The following ABHD2 variants were observed in gnomAD, a reference collection of about 807,000 sequenced individuals.
The protein encoded by ABHD2 is monoacylglycerol lipase ABHD2.
ABHD2 carries 20 observed loss-of-function variants against 48.1 expected under a neutral mutation model. That is an observed-to-expected ratio of 0.42 (90% CI 0.29 to 0.60). The LOEUF (loss-of-function observed/expected upper bound fraction) is 0.60. ABHD2 is among the 20% of genes least tolerant of loss of function. The pLI is 0.24. For missense variants in ABHD2, 405 were observed against 550.9 expected, an observed-to-expected ratio of 0.74 and a Z score of 2.65; for synonymous variants, 209 against 214.2, an observed-to-expected ratio of 0.98 and a Z score of 0.21.
chr15:89,151,705 A>G lies in ABHD2; in HGVS notation c.223A>G (p.Ser75Gly), dbSNP rs770265352. The G allele has an allele frequency of 6.2e-7, 1 of 1,614,156 alleles. No individual in the cohort carries two copies. The highest frequency in any genetic ancestry group is 1.3e-5 in the African/African-American group (1 of 75,056). Residue 75 changes from serine to glycine, a missense_variant, in exon 4 of 11, where the codon AGT becomes GGT. Ser to Gly is a moderately conservative substitution (Grantham distance 56, BLOSUM62 0). Coordinates refer to ENST00000352732, the MANE Select transcript of ABHD2 (RefSeq NM_152924.5). The surrounding 1 kb of genome is among the most constrained non-coding windows in gnomAD (Gnocchi z 4.7). ...CATTCCACCGTTGATCTGGGGGAAA[A>G]GTGGACACATCCAGACAGCCTTGTA... ...EYIPPLIWGK[S>G]GHIQTALYGK...
At position 89,137,247 on chromosome 15, in the gene ABHD2, T is replaced by C. The variant is rs1453706360; in HGVS notation, c.195-14430T>C. ...GAGGAGAGAGGACTGTGCTTTGGTG[T>C]GCCTAGGGAGGATGTGACCAGTTCC... On this transcript the variant is annotated intron_variant, in intron 3 of 10. Coordinates refer to ENST00000352732, the MANE Select transcript of ABHD2 (RefSeq NM_152924.5). This position sits in a 1 kb window ranked among gnomAD's most constrained non-coding sequence, Gnocchi z 4.8. Among the ~76,000 whole-genome samples the C allele has an allele frequency of 6.6e-6, 1 of 152,148 alleles. No individual in the cohort carries two copies. The highest frequency in any genetic ancestry group is 6.5e-5 in the Admixed American group (1 of 15,274).
the ABHD2 span, among the ~76,000 whole-genome samples, chr15:89,075,970 G>A: frequency 6.6e-6 from 1 of 152,174 alleles, no homozygotes; most frequent in African/African-American, 2.4e-5. This position sits in a 1 kb window ranked among gnomAD's most constrained non-coding sequence, Gnocchi z 4.1. Context: ...GGGTCACAGT[G>A]GCCTTTGCCA....
chr15:89,113,477 AATT>A (rs2049907584), intron 1 of ABHD2, among the ~76,000 whole-genome samples: 1 of 152,200 alleles, frequency 6.6e-6, no homozygotes, highest in African/African-American at 2.4e-5. Context: ...CTTTAGCCAG[AATT>A]AGGAACACAG....
rs2050973945 is a variant in ABHD2 at position 89,174,212 on chromosome 15, G to C, written c.539-1600G>C. ...ATAATATTGCCAGACATATTGTAAA[G>C]GGAAAAAAAGAGCCACCGAACAATG... On this transcript the variant is annotated intron_variant, in intron 5 of 10. Coordinates refer to ENST00000352732, the MANE Select transcript of ABHD2 (RefSeq NM_152924.5). The surrounding 1 kb of genome is among the most constrained non-coding windows in gnomAD (Gnocchi z 4.1). 6.6e-6 allele frequency among the ~76,000 whole-genome samples: 1 copy of C among 151,988 alleles called. No homozygotes were observed. Among genetic ancestry groups the C allele is most frequent in the Admixed American group, 6.6e-5 (1 of 15,262 alleles).
the ABHD2 span, among the ~76,000 whole-genome samples, chr15:89,070,549 C>T: frequency 6.5e-3 from 995 of 152,222 alleles, 5 homozygotes; most frequent in African/African-American, 0.023. Flanking sequence ...CTCCACATAC[C>T]CCATGGGCCA....
At chr15:89,095,786 G>T (rs1415202582) in intron 1 of ABHD2, among the ~76,000 whole-genome samples, 1 of 151,976 alleles carries the variant, frequency 6.6e-6, no homozygotes, top group Non-Finnish European at 1.5e-5. Context: ...AGGTTCCTTG[G>T]GTTCTCATTA....
intron 3 of ABHD2, among the ~76,000 whole-genome samples, chr15:89,138,351 C>G (rs2050348468): frequency 6.6e-6 from 1 of 152,188 alleles, no homozygotes; most frequent in African/African-American, 2.4e-5. Context: ...TGGGTTTATT[C>G]TCACCCATGA....
chr15:89,086,325 C>A (rs1013669413), upstream of ABHD2, among the ~76,000 whole-genome samples: 1 of 152,114 alleles, frequency 6.6e-6, no homozygotes, highest in African/African-American at 2.4e-5. Flanking sequence ...CTGTGCCCAG[C>A]CTATTTTTTA....
At chr15:89,129,741 A>G (rs942599718) in intron 3 of ABHD2, among the ~76,000 whole-genome samples, 1 of 151,704 alleles carries the variant, frequency 6.6e-6, no homozygotes, top group Non-Finnish European at 1.5e-5. Flanking sequence ...CTATTTCCTC[A>G]TTTGTAAGAT....
At chr15:89,055,137 G>T in the ABHD2 span, among the ~76,000 whole-genome samples, 1 of 151,950 alleles carries the variant, frequency 6.6e-6, no homozygotes, top group East Asian at 1.9e-4. Flanking sequence ...GTTCAAGACT[G>T]CAGTGAGCCA....
intron 1 of ABHD2, among the ~76,000 whole-genome samples, chr15:89,089,594 G>C (rs542654200): frequency 4.6e-5 from 7 of 152,234 alleles, no homozygotes; most frequent in Admixed American, 2.0e-4. Context: ...AAATCCAAAG[G>C]CATGTTCCAA....
chr15:89,150,537 T>TC (rs993251156), intron 3 of ABHD2, among the ~76,000 whole-genome samples: 4 of 152,028 alleles, frequency 2.6e-5, no homozygotes, highest in African/African-American at 9.7e-5. Context: ...CCTCCTCCCC[T>TC]CCCCCGAAAA....
chr15:89,197,751 A>C lies in ABHD2; in HGVS notation c.*2328A>C, dbSNP rs936540424. 1 of 152,230 alleles carries C rather than the reference A, an allele frequency of 6.6e-6. No homozygotes were observed. The highest frequency in any genetic ancestry group is 1.9e-4 in the East Asian group (1 of 5,180). 9.4% of individuals were successfully genotyped at this position (152,230 alleles called of 1,614,324 possible). On this transcript the variant is annotated 3_prime_UTR_variant, in exon 11 of 11. Transcript: ENST00000352732. This position sits in a 1 kb window ranked among gnomAD's most constrained non-coding sequence, Gnocchi z 4.4. ...CTGGTGGCCCCTGTGGAGGACAGGC[A>C]GGGCTGGCAGCATAGCCTTTGTTGC...
At chr15:89,125,267 AG>A (rs1382946459) in intron 3 of ABHD2, among the ~76,000 whole-genome samples, 3 of 151,960 alleles carry the variant, frequency 2.0e-5, no homozygotes, top group African/African-American at 7.3e-5. Flanking sequence ...AAAAAAAAAA[AG>A]AGTTGTGCAA....
chr15:89,088,017 G>C (rs1339980252), upstream of ABHD2: 1 of 152,220 alleles, frequency 6.6e-6, no homozygotes, highest in Non-Finnish European at 1.5e-5. The surrounding 1 kb of genome is among the most constrained non-coding windows in gnomAD (Gnocchi z 6.8). Context: ...ACCAGCAGCT[G>C]AGCTACCAGC....
chr15:89,064,402 G>T, the ABHD2 span, among the ~76,000 whole-genome samples: 1 of 151,766 alleles, frequency 6.6e-6, no homozygotes, highest in Admixed American at 6.6e-5. Context: ...TGTATTTTTT[G>T]TATTTTTAGT....
In ABHD2 at chr15:89,175,972, G is replaced by A. The variant is rs201540119; in HGVS notation, c.699G>A (p.Val233=). ...AGAAGGTCCTGTGCTGCGTCAGCGT[G>A]TGCCAGGGGTACAGTGCACTGAGGT... ...NQEKVLCCVS[V]CQGYSALRAQ... is the part of the protein sequence containing the mutation. The change falls in exon 6 of 11, where the codon GTG becomes GTA. Residue 233 remains valine, a synonymous_variant. Transcript: ENST00000352732. The surrounding 1 kb of genome is among the most constrained non-coding windows in gnomAD (Gnocchi z 5.7). 4 of 1,611,864 alleles carry A rather than the reference G, an allele frequency of 2.5e-6. No individual in the cohort carries two copies. Among genetic ancestry groups the A allele is most frequent in the African/African-American group, 1.3e-5 (1 of 74,886 alleles).
the ABHD2 span, among the ~76,000 whole-genome samples, chr15:89,079,832 G>C: frequency 1.3e-5 from 2 of 152,136 alleles, no homozygotes; most frequent in African/African-American, 4.8e-5. This position sits in a 1 kb window ranked among gnomAD's most constrained non-coding sequence, Gnocchi z 4.3. Flanking sequence ...AGGTGAAGCC[G>C]AGAACACGGG....
chr15:89,128,958 G>A (rs1201576905), intron 3 of ABHD2, among the ~76,000 whole-genome samples: 2 of 152,280 alleles, frequency 1.3e-5, no homozygotes, highest in Non-Finnish European at 2.9e-5. Context: ...TAATGGAATG[G>A]CCTTGGGCAT....
Sources: gnomAD v4.1 joint callset for allele counts (sites outside exome capture counted in the v4.1 genomes callset) on GRCh38, gnomAD v4.1.1 for gene constraint, Gnocchi (gnomAD v3.1) non-coding constraint, MANE v1.5 for transcripts, NCBI Gene and HGNC (gene_info 2026-07-23, HGNC 2026-07-21) for gene names.